KIAA1217: variants seen among roughly 807,000 people sequenced by gnomAD.
KIAA1217 encodes sickle tail protein homolog.
KIAA1217 carries 88 observed loss-of-function variants against 163.9 expected under a neutral mutation model. The observed-to-expected ratio is 0.54, with a 90% CI of 0.45 to 0.64. The LOEUF is 0.64. KIAA1217 is among the 30% of genes least tolerant of loss of function. KIAA1217 has a pLI of 0.00. For synonymous variants in KIAA1217, 903 were observed against 923.1 expected, an observed-to-expected ratio of 0.98 and a Z score of 0.39; for missense variants, 2,372 against 2,475.0, an observed-to-expected ratio of 0.96 and a Z score of 0.88.
rs186648360 is a variant in KIAA1217 at position 23,946,291 on chromosome 10, G to A, written c.-320-60934G>A. On this transcript the variant is annotated intron_variant, in intron 1 of 18. Transcript: ENST00000376462. ...TTAAAAAAAAAAAAAAAAAGTAAAG[G>A]AGCTATTTGGCATATAGGAAAAAAA... Among the ~76,000 whole-genome samples the A allele has an allele frequency of 1.4e-3, 196 of 138,194 alleles. 1 individual carries two copies. The highest frequency in any genetic ancestry group is 2.1e-3 in the Non-Finnish European group (134 of 63,882). 90.7% of individuals were successfully genotyped at this position (138,194 alleles called of 152,430 possible).
At chr10:24,084,934 G>A (rs183216694) in intron 2 of KIAA1217, among the ~76,000 whole-genome samples, 1,575 of 123,678 alleles carry the variant, frequency 0.013, 30 homozygotes, top group African/African-American at 0.048. Flanking sequence ...TTTTTTTTGA[G>A]ACGGAGTCTC....
intron 2 of KIAA1217, among the ~76,000 whole-genome samples, chr10:24,251,356 T>C (rs2074487812): frequency 7.5e-6 from 1 of 133,584 alleles, no homozygotes; most frequent in Non-Finnish European, 1.5e-5. Flanking sequence ...GCTGTGATTG[T>C]AACTACTGCA....
intron 2 of KIAA1217, chr10:24,367,250 C>A (rs1378765824): frequency 3.1e-5 from 22 of 709,160 alleles, no homozygotes; most frequent in Non-Finnish European, 3.6e-5. Context: ...CCTCATCCTG[C>A]ACCTTTCCCT....
intron 5 of KIAA1217, among the ~76,000 whole-genome samples, chr10:24,459,951 A>T (rs769163636): frequency 6.6e-6 from 1 of 152,136 alleles, no homozygotes; most frequent in Non-Finnish European, 1.5e-5. Context: ...AAAAAAGTGA[A>T]AAGAAAGAAA....
chr10:24,438,606 T>C, intron 5 of KIAA1217, 127 bp downstream of exon 5: 2 of 617,530 alleles, frequency 3.2e-6, no homozygotes. Flanking sequence ...TCATCTCACC[T>C]AGTGGATCAT....
intron 1 of KIAA1217, among the ~76,000 whole-genome samples, chr10:23,805,208 C>T (rs886579655): frequency 6.6e-6 from 1 of 152,126 alleles, no homozygotes; most frequent in South Asian, 2.1e-4. Context: ...TATAAAGACA[C>T]ATACATGCGT....
chr10:24,449,430 A>G, intron 5 of KIAA1217: 4 of 984,684 alleles, frequency 4.1e-6, no homozygotes, highest in Non-Finnish European at 4.8e-6. Context: ...TCTGCCAGAC[A>G]GAACACATGG....
chr10:24,485,696 C>T (rs1369503279), intron 6 of KIAA1217, among the ~76,000 whole-genome samples: 9 of 152,204 alleles, frequency 5.9e-5, no homozygotes, highest in African/African-American at 2.2e-4. Flanking sequence ...CTTACACATC[C>T]TCAATGGTTT....
intron 2 of KIAA1217, among the ~76,000 whole-genome samples, chr10:24,362,854 A>G (rs1382857888): frequency 2.0e-5 from 3 of 152,110 alleles, no homozygotes; most frequent in African/African-American, 7.2e-5. Context: ...TACAAAAATT[A>G]GCCAGGCAGA....
chr10:23,902,467 T>C (rs768266164), intron 1 of KIAA1217, among the ~76,000 whole-genome samples: 5 of 152,058 alleles, frequency 3.3e-5, no homozygotes, highest in Admixed American at 6.6e-5. Context: ...ATTCAAAGTA[T>C]CTCACCTTCC....
At chr10:24,090,488 C>G (rs915427307) in intron 2 of KIAA1217, among the ~76,000 whole-genome samples, 7 of 151,158 alleles carry the variant, frequency 4.6e-5, no homozygotes, top group African/African-American at 1.7e-4. Flanking sequence ...CCAAAACTTT[C>G]TTAAACACAT....
At chr10:23,807,635 T>A (rs1836805300) in intron 1 of KIAA1217, among the ~76,000 whole-genome samples, 1 of 152,218 alleles carries the variant, frequency 6.6e-6, no homozygotes, top group African/African-American at 2.4e-5. Context: ...ATAGGATGAA[T>A]ATGGCTGAGT....
At chr10:24,320,831 C>A (rs990915599) in intron 2 of KIAA1217, among the ~76,000 whole-genome samples, 21 of 151,818 alleles carry the variant, frequency 1.4e-4, no homozygotes, top group Non-Finnish European at 8.8e-5. Context: ...ATCACGAGGT[C>A]GGGAGATCGA....
At chr10:23,780,834 C>A (rs1382869340) in intron 1 of KIAA1217, among the ~76,000 whole-genome samples, 2 of 152,092 alleles carry the variant, frequency 1.3e-5, no homozygotes, top group African/African-American at 4.8e-5. Flanking sequence ...GTGCCCACCA[C>A]CATGCCTGGC....
chr10:23,836,072 G>C (rs1184919120), intron 1 of KIAA1217, among the ~76,000 whole-genome samples: 2 of 151,832 alleles, frequency 1.3e-5, no homozygotes, highest in Non-Finnish European at 2.9e-5. Flanking sequence ...TATTATTCTT[G>C]GAAATTCTTA....
chr10:23,777,602 C>T (rs1048348551), intron 1 of KIAA1217, among the ~76,000 whole-genome samples: 2 of 152,074 alleles, frequency 1.3e-5, no homozygotes, highest in African/African-American at 2.4e-5. Flanking sequence ...TAATCACATT[C>T]CCTTACAGCT....
chr10:24,307,630 T>A (rs913481117), intron 2 of KIAA1217, among the ~76,000 whole-genome samples: 19 of 141,190 alleles, frequency 1.3e-4, no homozygotes, highest in African/African-American at 3.9e-4. Context: ...AAAAAAAAAA[T>A]ATTAGCCAGG....
chr10:24,154,926 CAA>C (rs1250719385), intron 2 of KIAA1217, among the ~76,000 whole-genome samples: 23 of 68,624 alleles, frequency 3.4e-4, no homozygotes, highest in Admixed American at 5.1e-4. Context: ...GACTCCATGT[CAA>C]AAAAAAAAAA....
chr10:23,996,797 G>C (rs1564597427), intron 1 of KIAA1217, among the ~76,000 whole-genome samples: 1 of 152,002 alleles, frequency 6.6e-6, no homozygotes. Flanking sequence ...TTTTCTATAA[G>C]CCTGAATTCC....
Sources: allele counts gnomAD v4.1 joint callset (sites outside exome capture counted in the v4.1 genomes callset), GRCh38; gene constraint gnomAD v4.1.1; transcripts MANE v1.5; gene names NCBI Gene and HGNC (gene_info 2026-07-23, HGNC 2026-07-21).